ITPKA: variants seen among roughly 807,000 people sequenced by gnomAD.
ITPKA encodes the protein inositol-trisphosphate 3-kinase A, also known as IP3 3-kinase A.
A neutral mutation model predicts 40.7 loss-of-function variants in ITPKA; 16 were observed. The observed-to-expected ratio is 0.39, with a 90% CI of 0.27 to 0.60. ITPKA has a LOEUF of 0.60. ITPKA is among the 20% of genes least tolerant of loss of function. The pLI, the probability that ITPKA is intolerant of heterozygous loss-of-function variation, is 0.50. For synonymous variants in ITPKA, 313 were observed against 289.9 expected, an observed-to-expected ratio of 1.08 and a Z score of -0.81; for missense variants, 540 against 649.3, an observed-to-expected ratio of 0.83 and a Z score of 1.83.
chr15:41,502,422 C>T lies in ITPKA; in HGVS notation c.1029C>T (p.Ser343=). 6.2e-7 allele frequency: 1 copy of T among 1,603,238 alleles called. No homozygotes were observed. The highest frequency in any genetic ancestry group is 2.2e-5 in the East Asian group (1 of 44,512). ...EGIKKADGSC[S]TDFKTTRSRE... is the part of the protein sequence containing the mutation. The stretch of plus-strand genomic sequence containing the variant: ...TCCAGAAAGCGGACGGCTCCTGCAG[C>T]ACCGACTTCAAGACTACGCGAAGCC... The change falls in exon 5 of 7, where the codon AGC becomes AGT. Residue 343 remains serine, a synonymous_variant. Coordinates refer to ENST00000260386, the MANE Select transcript of ITPKA (RefSeq NM_002220.3).
At chr15:41,501,925 C>G (rs1225488187) in intron 3 of ITPKA, 72 bp from the exon 4 acceptor site, 9 of 1,589,610 alleles carry the variant, frequency 5.7e-6, no homozygotes, top group Non-Finnish European at 6.9e-6. Context: ...TTGAGGGGGA[C>G]CCGGGGCGAG....
Position 41,494,071 on chromosome 15 carries a change from C to T in ITPKA, c.144C>T (p.Ala48=). 1 of 1,243,264 alleles carries T rather than the reference C, an allele frequency of 8.0e-7. No homozygotes were observed. The highest frequency in any genetic ancestry group is 4.3e-5 in the Admixed American group (1 of 23,262). 77.0% of individuals were successfully genotyped at this position (1,243,264 alleles called of 1,614,324 possible). A position where few individuals can be genotyped will look rare whatever the true frequency, so the allele number is the denominator to read the frequency against. Residue 48 remains alanine (A), a synonymous_variant, in exon 1 of 7, where the codon GCC becomes GCT. Coordinates refer to ENST00000260386, the MANE Select transcript of ITPKA (RefSeq NM_002220.3). The surrounding 1 kb of genome is among the most constrained non-coding windows in gnomAD (Gnocchi z 7.8). The stretch of plus-strand genomic sequence containing the variant: ...CGCGCTGTGCGGCGGTCGCTGCGGC[C>T]GCCGCCGCGGGGGAGCCCCGGGCCC... ...FEARCAAVAA[A]AAAGEPRARG...
At chr15:41,501,122 G>A (rs1166245861) in intron 1 of ITPKA, among the ~76,000 whole-genome samples, 1 of 151,194 alleles carries the variant, frequency 6.6e-6, no homozygotes, top group Non-Finnish European at 1.5e-5. Flanking sequence ...AGGTAATTCC[G>A]ATGTTCACAA....
chr15:41,501,900 G>A (rs763526838), intron 3 of ITPKA, 49 bp downstream of exon 3: 31 of 1,597,394 alleles, frequency 1.9e-5, no homozygotes, highest in Admixed American at 3.4e-5. Context: ...AGGGGTCCGG[G>A]GCCGGGACAG....
chr15:41,503,125 G>A lies in ITPKA; in HGVS notation c.1345G>A (p.Asp449Asn). ...NREDGYLLGLDNLIGILASLA... is the reference protein window; with the variant it reads ...NREDGYLLGLNNLIGILASLA... ...CGAGGACGGCTATTTGCTGGGGCTGGACAATCTCATTGGCATCCTGGCCAG... is the reference window on the plus strand; with the variant it reads ...CGAGGACGGCTATTTGCTGGGGCTGAACAATCTCATTGGCATCCTGGCCAG... The change falls in exon 7 of 7, where the codon GAC (aspartate) becomes AAC (asparagine). Residue 449 changes from aspartate (D) to asparagine (N), a missense_variant. Physicochemically the swap from Asp to Asn is conservative, Grantham distance 23. Coordinates refer to ENST00000260386, the MANE Select transcript of ITPKA (RefSeq NM_002220.3). 2.5e-6 allele frequency: 4 copies of A among 1,598,336 alleles called. No individual in the cohort carries two copies. Among genetic ancestry groups the A allele is most frequent in the Non-Finnish European group, 3.4e-6 (4 of 1,167,346 alleles).
chr15:41,497,060 C>T (rs1381447906), intron 1 of ITPKA, among the ~76,000 whole-genome samples: 2 of 152,190 alleles, frequency 1.3e-5, no homozygotes, highest in African/African-American at 2.4e-5. Context: ...GTCTTCAAGG[C>T]TTCCGAATGG....
Position 41,503,026 on chromosome 15 carries a change from G to A in ITPKA, c.1246G>A (p.Asp416Asn). The change falls in exon 7 of 7, where the codon GAC becomes AAC. Residue 416 changes from aspartate (D) to asparagine (N), a missense_variant. Transcript: ENST00000260386. ...HCHRAGVWLI[D>N]FGKTTPLPDG... ...CCATCGCGCCGGCGTGTGGCTCATC[G>A]ACTTCGGCAAGACCACGCCCCTCCC... The A allele has an allele frequency of 1.2e-6, 2 of 1,609,908 alleles. No individual in the cohort carries two copies. Among genetic ancestry groups the A allele is most frequent in the Non-Finnish European group, 8.5e-7 (1 of 1,177,692 alleles).
chr15:41,497,317 C>G (rs2051080033), intron 1 of ITPKA, among the ~76,000 whole-genome samples: 1 of 152,208 alleles, frequency 6.6e-6, no homozygotes, highest in Non-Finnish European at 1.5e-5. Context: ...GTTCAAGCTT[C>G]TCCCGGGTTC....
In ITPKA at chr15:41,494,269, G is replaced by A; in HGVS notation, c.342G>A (p.Leu114=). 6.5e-7 allele frequency: 1 copy of A among 1,547,470 alleles called. No individual in the cohort carries two copies. Among genetic ancestry groups the A allele is most frequent in the Non-Finnish European group, 8.7e-7 (1 of 1,154,670 alleles). ...TCCCGGCAGCGGGCTCTTCGCACCT[G>A]CAGCAGCCGCGCCGCCTTTCCACCT... ...DCLPAAGSSH[L]QQPRRLSTSS... The change falls in exon 1 of 7, where the codon CTG becomes CTA. Residue 114 remains leucine, a synonymous_variant. Coordinates refer to ENST00000260386, the MANE Select transcript of ITPKA (RefSeq NM_002220.3). This position sits in a 1 kb window ranked among gnomAD's most constrained non-coding sequence, Gnocchi z 7.8.
intron 1 of ITPKA, among the ~76,000 whole-genome samples, chr15:41,497,681 C>CCT (rs796527360): frequency 4.7e-4 from 71 of 152,250 alleles, no homozygotes; most frequent in African/African-American, 1.6e-3. Context: ...GTCATAGCAA[C>CCT]CTCAGGTGGT....
rs1056183699 is a variant in ITPKA, at chr15:41,502,911, C to T, written c.1182+52C>T. 5 of 1,603,918 alleles carry T rather than the reference C, an allele frequency of 3.1e-6. No homozygotes were observed. The African/African-American group carries it at 5.3e-5, about 17-fold the overall frequency. ...GGCCGCGAGGGCTAGGGCGGGAACC[C>T]GGCAAGGGCGTCTCTGGGCAGGGCC... On this transcript the variant is annotated intron_variant, in intron 6 of 6. Coordinates refer to ENST00000260386, the MANE Select transcript of ITPKA (RefSeq NM_002220.3).
Position 41,494,397 on chromosome 15 carries a change from C to A in ITPKA, c.470C>A (p.Ala157Glu), listed in dbSNP as rs900437484. 1.8e-5 allele frequency: 27 copies of A among 1,477,522 alleles called. No individual in the cohort carries two copies. Among genetic ancestry groups the A allele is most frequent in the Non-Finnish European group, 2.4e-5 (27 of 1,115,390 alleles). 91.5% of individuals were successfully genotyped at this position (1,477,522 alleles called of 1,614,324 possible). A position where few individuals can be genotyped will look rare whatever the true frequency, so the allele number is the denominator to read the frequency against. Reference sequence around the variant, plus strand: ...AGCCGCGGCAACGTGCAGCTGGAAGCGGGCGAGGACGTGGGTCAGGTACGG... The same window carrying A: ...AGCCGCGGCAACGTGCAGCTGGAAGAGGGCGAGGACGTGGGTCAGGTACGG... Reference protein sequence around the residue: ...SRSRGNVQLEAGEDVGQKNHW... With the variant: ...SRSRGNVQLEEGEDVGQKNHW... Residue 157 changes from alanine (A) to glutamate (E), a missense_variant, in exon 1 of 7, where the codon GCG (alanine) becomes GAG (glutamate). Physicochemically the swap from Ala to Glu is moderately radical, Grantham distance 107 (BLOSUM62 -1). Transcript: ENST00000260386. This position sits in a 1 kb window ranked among gnomAD's most constrained non-coding sequence, Gnocchi z 7.8.
At position 41,501,997 on chromosome 15, in the gene ITPKA, G is replaced by T; in HGVS notation, c.804G>T (p.Arg268Ser). Residue 268 changes from arginine to serine, a missense_variant and splice_region_variant, in exon 4 of 7, where the codon AGG (arginine) becomes AGT (serine). Transcript: ENST00000260386. ...PCVLDCKMGV[R>S]TYLEEELTKA... ...CTGGCCGCTGCCTGCGCCCCCACAG[G>T]ACTTACCTAGAGGAGGAGCTGACCA... The T allele has an allele frequency of 6.2e-7, 1 of 1,612,808 alleles. No homozygotes were observed.
chr15:41,495,457 A>G (rs544380494), intron 1 of ITPKA, among the ~76,000 whole-genome samples: 4 of 152,276 alleles, frequency 2.6e-5, no homozygotes, highest in Admixed American at 6.5e-5. Context: ...CGGCTGGGAC[A>G]AGGCAGGGAA....
At chr15:41,501,219 A>T (rs2051107472) in intron 1 of ITPKA, 1 of 691,118 alleles carries the variant, frequency 1.4e-6, no homozygotes, top group African/African-American at 1.9e-5. Flanking sequence ...GGGGCTTCAG[A>T]TGCTAAGTCC....
intron 1 of ITPKA, among the ~76,000 whole-genome samples, chr15:41,500,902 G>C (rs989509744): frequency 2.0e-5 from 3 of 151,118 alleles, no homozygotes; most frequent in Non-Finnish European, 4.4e-5. Context: ...TCAGCTACTC[G>C]GGAGGCTGAA....
chr15:41,502,070 C>T lies in ITPKA; in HGVS notation c.877C>T (p.Leu293=). ...KLRKDMYKKM[L]AVDPEAPTEE... ...GCGGAAGGACATGTACAAGAAAATG[C>T]TGGCGGTGGATCCTGAAGCTCCCAC... The change falls in exon 4 of 7, where the codon CTG becomes TTG. Residue 293 remains leucine, a synonymous_variant. Coordinates refer to ENST00000260386, the MANE Select transcript of ITPKA (RefSeq NM_002220.3). 6.2e-7 allele frequency: 1 copy of T among 1,613,262 alleles called. No individual in the cohort carries two copies. Among genetic ancestry groups the T allele is most frequent in the South Asian group, 1.1e-5 (1 of 91,058 alleles).
At chr15:41,498,744 G>T (rs762229066) in intron 1 of ITPKA, among the ~76,000 whole-genome samples, 1 of 152,236 alleles carries the variant, frequency 6.6e-6, no homozygotes, top group Non-Finnish European at 1.5e-5. Context: ...GTGTTCCCCA[G>T]AAGTCAAAAC....
chr15:41,501,191 G>C, intron 1 of ITPKA: 1 of 369,186 alleles, frequency 2.7e-6, no homozygotes, highest in Non-Finnish European at 3.8e-6. Context: ...TTCAGTGGCA[G>C]AGCTGGAGCG....
Sources: gnomAD v4.1 joint callset for allele counts (sites outside exome capture counted in the v4.1 genomes callset) on GRCh38, gnomAD v4.1.1 for gene constraint, Gnocchi (gnomAD v3.1) non-coding constraint, MANE v1.5 for transcripts, NCBI Gene and HGNC (gene_info 2026-07-23, HGNC 2026-07-21) for gene names.